The following CDH12 variants were observed in gnomAD, a reference collection of about 807,000 sequenced individuals.
CDH12 encodes the protein cadherin-12.
In CDH12, 41 loss-of-function variants were observed where a neutral mutation model predicts 74.1. That is an observed-to-expected ratio of 0.55 (90% CI 0.43 to 0.72). The LOEUF (loss-of-function observed/expected upper bound fraction) is 0.72, where lower values mean the gene tolerates loss of function less well. Among genes scored for constraint, CDH12 ranks in the 30% least tolerant of loss-of-function variants. The probability of loss-of-function intolerance (pLI) is 0.00; values close to 1 mark genes in which losing one functional copy is unlikely to be tolerated. For synonymous variants in CDH12, 399 were observed against 355.0 expected (o/e 1.12, Z -1.39); for missense variants, 945 against 977.2 (o/e 0.97, Z 0.44).
intron 5 of CDH12, among the ~76,000 whole-genome samples, chr5:22,008,987 T>C (rs1022970629): frequency 3.3e-5 from 5 of 152,204 alleles, no homozygotes; most frequent in Non-Finnish European, 7.3e-5. Flanking sequence ...TTTAGTCTCA[T>C]TTAGGGGTGC....
intron 5 of CDH12, among the ~76,000 whole-genome samples, chr5:22,033,245 C>T (rs554450131): frequency 1.3e-4 from 20 of 152,186 alleles, no homozygotes; most frequent in African/African-American, 4.1e-4. Flanking sequence ...TATGTAGTCT[C>T]AGCATTACAA....
chr5:22,282,545 C>G (rs182106927), intron 3 of CDH12, among the ~76,000 whole-genome samples: 2 of 151,738 alleles, frequency 1.3e-5, no homozygotes, highest in African/African-American at 4.8e-5. Flanking sequence ...AATTTACAAG[C>G]AAAGAACAAA....
chr5:22,559,245 A>C (rs1453106596), intron 1 of CDH12, among the ~76,000 whole-genome samples: 1 of 152,122 alleles, frequency 6.6e-6, no homozygotes, highest in Non-Finnish European at 1.5e-5. Flanking sequence ...CAGGAATCTC[A>C]ATAAAATGAA....
intron 1 of CDH12, among the ~76,000 whole-genome samples, chr5:22,737,689 T>G (rs1379210860): frequency 6.6e-6 from 1 of 152,060 alleles, no homozygotes; most frequent in East Asian, 1.9e-4. Context: ...AGCCTAAGTA[T>G]TTAACAAATA....
intron 1 of CDH12, among the ~76,000 whole-genome samples, chr5:22,813,753 C>T (rs1324650319): frequency 6.6e-6 from 1 of 152,160 alleles, no homozygotes; most frequent in East Asian, 1.9e-4. Context: ...AGGCCCTAAA[C>T]CAAAGAGCCC....
chr5:22,014,931 T>C, intron 5 of CDH12, among the ~76,000 whole-genome samples: 1 of 152,120 alleles, frequency 6.6e-6, no homozygotes, highest in East Asian at 1.9e-4. Flanking sequence ...ATATTTTAAG[T>C]TATAAATATG....
intron 1 of CDH12, among the ~76,000 whole-genome samples, chr5:22,590,307 C>T (rs376335028): frequency 3.9e-5 from 6 of 151,926 alleles, no homozygotes; most frequent in African/African-American, 1.2e-4. Context: ...AAAGAGAGAA[C>T]ATTTTTAAAA....
chr5:22,789,467 T>C (rs1482064821), intron 1 of CDH12, among the ~76,000 whole-genome samples: 1 of 152,066 alleles, frequency 6.6e-6, no homozygotes, highest in Admixed American at 6.5e-5. Context: ...ATAATAAAAC[T>C]TATTATAAGC....
rs142645071 is a variant in CDH12, at chr5:22,803,775, G to A, written c.-523+49283C>T. ...CTTCCTGCTCTCCCCAGAAAGCCTC[G>A]TTATGTAAGTGATGAGCGTTTTCAA... On this transcript the variant is annotated intron_variant, in intron 1 of 14. Transcript: ENST00000382254. 2.6e-3 allele frequency among the ~76,000 whole-genome samples: 391 copies of A among 152,208 alleles called. 3 individuals carry two copies. The highest frequency in any genetic ancestry group is 4.4e-3 in the East Asian group (23 of 5,176).
intron 1 of CDH12, among the ~76,000 whole-genome samples, chr5:22,792,987 T>G (rs1747994484): frequency 6.6e-6 from 1 of 152,292 alleles, no homozygotes; most frequent in African/African-American, 2.4e-5. Flanking sequence ...TTCTCTAAAT[T>G]TATTCTTATT....
In CDH12 at chr5:22,042,967, A is replaced by G. The variant is rs989050704; in HGVS notation, c.231+35479T>C. ...ATTAAAATAATAATACAATCCTCAT[A>G]TAAAAGAAAAGCCTAGGACCTGAAG... On this transcript the variant is annotated intron_variant, in intron 5 of 14. Transcript: ENST00000382254. Among the ~76,000 whole-genome samples, 7 of 151,976 alleles carry G rather than the reference A, an allele frequency of 4.6e-5. No individual in the cohort carries two copies. The East Asian group carries it at 9.6e-4, about 21-fold the overall frequency.
intron 3 of CDH12, among the ~76,000 whole-genome samples, chr5:22,391,336 G>T (rs1358948215): frequency 6.6e-6 from 1 of 152,096 alleles, no homozygotes. Context: ...ATAACTCCAA[G>T]GAAGTTATTG....
chr5:22,743,905 A>G (rs1275289518), intron 1 of CDH12, among the ~76,000 whole-genome samples: 1 of 152,062 alleles, frequency 6.6e-6, no homozygotes, highest in Non-Finnish European at 1.5e-5. Flanking sequence ...TGTCACATTC[A>G]GTAGTTTATT....
At chr5:22,605,432 A>G (rs529922073) in intron 1 of CDH12, among the ~76,000 whole-genome samples, 1 of 152,190 alleles carries the variant, frequency 6.6e-6, no homozygotes, top group Non-Finnish European at 1.5e-5. Flanking sequence ...CCTAAGGGTA[A>G]TGTTCTCAGA....
At chr5:22,570,693 T>C (rs557605468) in intron 1 of CDH12, among the ~76,000 whole-genome samples, 22 of 147,636 alleles carry the variant, frequency 1.5e-4, no homozygotes, top group African/African-American at 5.5e-4. Flanking sequence ...ATATTTGAAA[T>C]GATAAATGAG....
chr5:22,544,132 C>CT lies in CDH12; in HGVS notation c.-522-38769dup, dbSNP rs566827353. Among the ~76,000 whole-genome samples the CT allele has an allele frequency of 1.7e-3, 243 of 143,772 alleles. 1 individual carries two copies. Among genetic ancestry groups the CT allele is most frequent in the African/African-American group, 5.4e-3 (218 of 40,274 alleles). 94.3% of individuals were successfully genotyped at this position (143,772 alleles called of 152,430 possible). A position where few individuals can be genotyped will look rare whatever the true frequency, so the allele number is the denominator to read the frequency against. On this transcript the variant is annotated intron_variant, in intron 1 of 14. Transcript: ENST00000382254. ...CCAGCCAGGATTGGTGCATCATTTA[C>CT]TTTTTTTTTTATTTTCATTGCCTAT...
At chr5:22,370,780 A>T (rs1291714338) in intron 3 of CDH12, among the ~76,000 whole-genome samples, 1 of 152,140 alleles carries the variant, frequency 6.6e-6, no homozygotes, top group Non-Finnish European at 1.5e-5. Flanking sequence ...AGTAGGTCAT[A>T]CGTATGGGAA....
At chr5:22,567,799 G>A (rs192185561) in intron 1 of CDH12, among the ~76,000 whole-genome samples, 100 of 152,304 alleles carry the variant, frequency 6.6e-4, no homozygotes, top group African/African-American at 2.3e-3. Context: ...GTAAATATTT[G>A]TGTATATTTG....
chr5:22,482,214 G>T (rs1746410652), intron 2 of CDH12, among the ~76,000 whole-genome samples: 1 of 152,070 alleles, frequency 6.6e-6, no homozygotes, highest in African/African-American at 2.4e-5. Context: ...TTTCAGATAA[G>T]AAAACCGAGT....
Sources: allele counts gnomAD v4.1 joint callset (sites outside exome capture counted in the v4.1 genomes callset), GRCh38; gene constraint gnomAD v4.1.1; transcripts MANE v1.5; gene names NCBI Gene and HGNC (gene_info 2026-07-23, HGNC 2026-07-21).